ENPP6: variants seen among roughly 807,000 people sequenced by gnomAD.
ENPP6 encodes the protein ectonucleotide pyrophosphatase/phosphodiesterase 6, also known as glycerophosphocholine cholinephosphodiesterase ENPP6.
A neutral mutation model predicts 42.0 loss-of-function variants in ENPP6; 32 were observed. That is an observed-to-expected ratio of 0.76 (90% CI 0.58 to 1.02). The LOEUF (loss-of-function observed/expected upper bound fraction) is 1.02. ENPP6 is among the 50% of genes least tolerant of loss of function. The pLI, the probability that ENPP6 is intolerant of heterozygous loss-of-function variation, is 0.00. For missense variants in ENPP6, 552 were observed against 566.8 expected (o/e 0.97, Z 0.27); for synonymous variants, 213 against 216.0 (o/e 0.99, Z 0.12).
intron 6 of ENPP6, among the ~76,000 whole-genome samples, chr4:184,104,738 A>G (rs538156897): frequency 1.9e-4 from 29 of 152,340 alleles, no homozygotes; most frequent in African/African-American, 7.0e-4. Context: ...ATCTGTCAAT[A>G]AGTAGTCAGG....
chr4:184,128,826 G>A (rs1210250699), intron 2 of ENPP6, among the ~76,000 whole-genome samples: 1 of 152,092 alleles, frequency 6.6e-6, no homozygotes, highest in Non-Finnish European at 1.5e-5. Context: ...ATCATATTCT[G>A]GTCAAAAAGA....
chr4:184,092,602 T>C (rs1422613286), intron 7 of ENPP6, among the ~76,000 whole-genome samples: 1 of 152,212 alleles, frequency 6.6e-6, no homozygotes, highest in Non-Finnish European at 1.5e-5. Flanking sequence ...TCAAAGCACT[T>C]GTCCATTTAA....
rs77113788 is a variant in ENPP6 at position 184,105,970 on chromosome 4, G to A, written c.993+6702C>T. On this transcript the variant is annotated intron_variant, in intron 6 of 7. Coordinates refer to ENST00000296741, the MANE Select transcript of ENPP6 (RefSeq NM_153343.4). ...TGAATTACATTACCCTGAAGATGATGGATCATGATCCTCCCCTGTAAAAAT... is the reference window on the plus strand; with the variant it reads ...TGAATTACATTACCCTGAAGATGATAGATCATGATCCTCCCCTGTAAAAAT... Among the ~76,000 whole-genome samples the A allele has an allele frequency of 5.7e-3, 860 of 152,026 alleles. 9 individuals carry two copies. The highest frequency in any genetic ancestry group is 0.02 in the African/African-American group (821 of 41,444).
chr4:184,154,481 C>T (rs1337062572), intron 1 of ENPP6, among the ~76,000 whole-genome samples: 1 of 152,134 alleles, frequency 6.6e-6, no homozygotes, highest in Non-Finnish European at 1.5e-5. Context: ...AAAATTGCTG[C>T]AATTTTAGTG....
At chr4:184,122,056 G>T (rs1201412164) in intron 3 of ENPP6, among the ~76,000 whole-genome samples, 1 of 152,170 alleles carries the variant, frequency 6.6e-6, no homozygotes, top group Non-Finnish European at 1.5e-5. Context: ...TTTAGAGGTA[G>T]TGGGTCTCCA....
Position 184,170,000 on chromosome 4 carries a change from G to A in ENPP6, c.242-16267C>T, listed in dbSNP as rs1737434945. ...CTTCTGTGCCTGTCTCTAGTACTGA[G>A]GTACTTTTAAAAAAACATACTCTTG... On this transcript the variant is annotated intron_variant, in intron 1 of 7. Transcript: ENST00000296741. Among the ~76,000 whole-genome samples the A allele has an allele frequency of 2.0e-5, 3 of 151,952 alleles. No homozygotes were observed. In the South Asian group the frequency reaches 6.2e-4, roughly 31 times the overall value.
chr4:184,183,857 G>T (rs1421641167), intron 1 of ENPP6, among the ~76,000 whole-genome samples: 12 of 152,170 alleles, frequency 7.9e-5, no homozygotes, highest in African/African-American at 2.9e-4. Flanking sequence ...TCTAGGTGAA[G>T]CCCTGAACTG....
At chr4:184,175,500 G>T (rs540642518) in intron 1 of ENPP6, among the ~76,000 whole-genome samples, 2 of 152,204 alleles carry the variant, frequency 1.3e-5, no homozygotes, top group Non-Finnish European at 2.9e-5. Flanking sequence ...AGATTCTATG[G>T]CAGAAAAGCT....
chr4:184,131,690 T>C (rs925878834), intron 2 of ENPP6, among the ~76,000 whole-genome samples: 2 of 151,838 alleles, frequency 1.3e-5, no homozygotes, highest in Non-Finnish European at 2.9e-5. Context: ...AAGACTCAGT[T>C]GCTCCATCCT....
At chr4:184,186,765 C>T (rs1004422306) in intron 1 of ENPP6, among the ~76,000 whole-genome samples, 6 of 152,162 alleles carry the variant, frequency 3.9e-5, no homozygotes, top group East Asian at 1.9e-4. Flanking sequence ...GCATTTGCCC[C>T]GCCGTGGCCT....
At chr4:184,206,318 C>T (rs35260751) in intron 1 of ENPP6, among the ~76,000 whole-genome samples, 12,546 of 100,698 alleles carry the variant, frequency 0.12, 1,077 homozygotes, top group Non-Finnish European at 0.18. Flanking sequence ...AGTGCAGTGG[C>T]GCGATCTCGG....
Position 184,117,859 on chromosome 4 carries a change from A to G in ENPP6, c.575T>C (p.Ile192Thr), listed in dbSNP as rs1736348145. The G allele has an allele frequency of 6.2e-7, 1 of 1,614,206 alleles. No individual in the cohort carries two copies. The highest frequency in any genetic ancestry group is 8.5e-7 in the Non-Finnish European group (1 of 1,180,026). Residue 192 changes from isoleucine to threonine, a missense_variant, in exon 4 of 8, where the codon ATT becomes ACT. Coordinates refer to ENST00000296741, the MANE Select transcript of ENPP6 (RefSeq NM_153343.4). ...ADLAAIYHER[I>T]DVEGHHYGPA... ...CCCGTAGTGGTGGCCTTCCACGTCA[A>G]TGCGCTCATGGTATATGGCTGCCAG...
intron 6 of ENPP6, among the ~76,000 whole-genome samples, chr4:184,109,243 C>A (rs56121055): frequency 0.41 from 55,601 of 134,000 alleles, 10,704 homozygotes; most frequent in Non-Finnish European, 0.51. Context: ...CAAAAAAAAA[C>A]AAAACAAACA....
chr4:184,200,036 A>G (rs1000758753), intron 1 of ENPP6, among the ~76,000 whole-genome samples: 1 of 152,240 alleles, frequency 6.6e-6, no homozygotes, highest in African/African-American at 2.4e-5. Flanking sequence ...CACATATGCA[A>G]TGGACTGAAG....
At chr4:184,093,056 G>A (rs1275549352) in intron 7 of ENPP6, among the ~76,000 whole-genome samples, 2 of 152,134 alleles carry the variant, frequency 1.3e-5, no homozygotes, top group Non-Finnish European at 2.9e-5. Context: ...GCTCCCTTTG[G>A]AGAATTAAAG....
At chr4:184,216,890 C>G (rs1733204258) in intron 1 of ENPP6, 1 of 152,112 alleles carries the variant, frequency 6.6e-6, no homozygotes, top group African/African-American at 2.4e-5. Flanking sequence ...TCTGGGTTAG[C>G]CGAGGTTTTT....
At chr4:184,166,424 C>T (rs1476806272) in intron 1 of ENPP6, among the ~76,000 whole-genome samples, 6 of 152,146 alleles carry the variant, frequency 3.9e-5, no homozygotes, top group Non-Finnish European at 8.8e-5. Context: ...TCTGCAGCGC[C>T]TGCCAGCTTG....
At chr4:184,196,767 A>G (rs1732807127) in intron 1 of ENPP6, among the ~76,000 whole-genome samples, 2 of 152,202 alleles carry the variant, frequency 1.3e-5, no homozygotes, top group Admixed American at 1.3e-4. Flanking sequence ...GGCCTCCAAC[A>G]AAAACCAGGA....
At chr4:184,107,265 T>C (rs937018426) in intron 6 of ENPP6, among the ~76,000 whole-genome samples, 2 of 152,214 alleles carry the variant, frequency 1.3e-5, no homozygotes, top group African/African-American at 4.8e-5. Context: ...TTTCCTATCC[T>C]TGAAGCAAAG....
Sources: allele counts gnomAD v4.1 joint callset (sites outside exome capture counted in the v4.1 genomes callset), GRCh38; gene constraint gnomAD v4.1.1; transcripts MANE v1.5; gene names NCBI Gene and HGNC (gene_info 2026-07-23, HGNC 2026-07-21).